LRRK1: variants seen among roughly 807,000 people sequenced by gnomAD.
LRRK1 encodes leucine-rich repeat serine/threonine-protein kinase 1.
Under a neutral mutation model 209.1 loss-of-function variants are expected in LRRK1, and 113 were observed. The ratio of observed to expected loss-of-function variants is 0.54; its 90% confidence interval spans 0.46 to 0.63. The LOEUF is 0.63. LRRK1 is among the 30% of genes least tolerant of loss of function. The pLI is 0.00. For synonymous variants in LRRK1, 1,144 were observed against 1,099.7 expected (o/e 1.04, Z -0.80); for missense variants, 2,284 against 2,632.2 (o/e 0.87, Z 2.89).
At chr15:100,949,472 C>G (rs1159721967) in intron 2 of LRRK1, among the ~76,000 whole-genome samples, 1 of 152,160 alleles carries the variant, frequency 6.6e-6, no homozygotes, top group Non-Finnish European at 1.5e-5. Flanking sequence ...TTAACATCAA[C>G]TTCACAAACT....
chr15:101,042,907 C>T lies in LRRK1; in HGVS notation c.2964-3074C>T, dbSNP rs375232268. ...TATCTTCTGAAGTAGCTGAACTGAA[C>T]GCCTCCCCTCGGGGTGGGACCCCTA... On this transcript the variant is annotated intron_variant, in intron 20 of 33. Transcript: ENST00000388948. Among the ~76,000 whole-genome samples the T allele has an allele frequency of 4.5e-4, 69 of 152,340 alleles. 4 individuals carry two copies. The East Asian group carries it at 7.3e-3, about 16-fold the overall frequency.
intron 2 of LRRK1, among the ~76,000 whole-genome samples, chr15:100,963,478 T>G (rs1300716113): frequency 6.6e-6 from 1 of 152,218 alleles, no homozygotes; most frequent in African/African-American, 2.4e-5. Context: ...AGCGCTGCTG[T>G]AGACGTTAAG....
chr15:101,037,563 A>G (rs60547730), intron 20 of LRRK1, among the ~76,000 whole-genome samples: 3,535 of 152,246 alleles, frequency 0.023, 130 homozygotes, highest in African/African-American at 0.079. Flanking sequence ...CAGGCTGGGG[A>G]CATCAGTGGC....
intron 2 of LRRK1, among the ~76,000 whole-genome samples, chr15:100,935,999 G>C (rs1353151856): frequency 1.3e-5 from 2 of 152,186 alleles, no homozygotes; most frequent in African/African-American, 4.8e-5. Flanking sequence ...ACCTGGTACA[G>C]CATCACTTCG....
intron 3 of LRRK1, among the ~76,000 whole-genome samples, chr15:100,975,181 C>T (rs1375717881): frequency 1.7e-4 from 26 of 152,332 alleles, no homozygotes; most frequent in East Asian, 7.7e-4. Context: ...GTGGGCTCCT[C>T]GGGTGCACCC....
At chr15:100,972,363 A>AGAGAGAGTGTGTGTGTGT (rs1176201849) in intron 2 of LRRK1, among the ~76,000 whole-genome samples, 3 of 98,474 alleles carry the variant, frequency 3.0e-5, no homozygotes, top group South Asian at 3.4e-4. Flanking sequence ...AGAGAGAGAG[A>AGAGAGAGTGTGTGTGTGT]GTGTGTGTGT....
intron 2 of LRRK1, among the ~76,000 whole-genome samples, chr15:100,968,037 G>A (rs2030585682): frequency 6.6e-6 from 1 of 152,132 alleles, no homozygotes; most frequent in African/African-American, 2.4e-5. Context: ...CCCATCCACA[G>A]GAAAACTCAC....
chr15:101,064,016 G>A (rs2141160177), intron 31 of LRRK1, among the ~76,000 whole-genome samples: 1 of 152,362 alleles, frequency 6.6e-6, no homozygotes, highest in Non-Finnish European at 1.5e-5. Context: ...GCTCTGTGCA[G>A]GGCCTCCTGG....
At chr15:101,013,824 G>C (rs558064252) in intron 10 of LRRK1, among the ~76,000 whole-genome samples, 2 of 151,988 alleles carry the variant, frequency 1.3e-5, no homozygotes, top group Non-Finnish European at 2.9e-5. Flanking sequence ...GAGGGCATGC[G>C]GCTAGGACAG....
intron 10 of LRRK1, among the ~76,000 whole-genome samples, chr15:101,013,832 C>T (rs890112840): frequency 1.3e-5 from 2 of 152,022 alleles, no homozygotes; most frequent in African/African-American, 4.8e-5. Context: ...GCGGCTAGGA[C>T]AGTTACCCTT....
At chr15:100,956,455 C>CTTTTTCTTTTTTTTTCTTTTTTTTTT in intron 2 of LRRK1, among the ~76,000 whole-genome samples, 1 of 60,534 alleles carries the variant, frequency 1.7e-5, no homozygotes, top group Admixed American at 2.0e-4. Context: ...TTTTTTTTTT[C>CTTTTTCTTTTTTTTTCTTTTTTTTTT]TTTTTTTTTT....
chr15:101,049,356 C>G (rs1374417693), intron 22 of LRRK1: 1 of 338,464 alleles, frequency 3.0e-6, no homozygotes, highest in African/African-American at 2.1e-5. Context: ...TACTGAGGTT[C>G]AGGGAGGTCT....
At chr15:100,981,007 G>C (rs939809879) in intron 3 of LRRK1, among the ~76,000 whole-genome samples, 2 of 152,250 alleles carry the variant, frequency 1.3e-5, no homozygotes, top group African/African-American at 2.4e-5. Context: ...GCATTTGGTT[G>C]TATATGAGAT....
intron 2 of LRRK1, among the ~76,000 whole-genome samples, chr15:100,941,422 G>GTC (rs1567191039): frequency 1.5e-4 from 15 of 102,362 alleles, no homozygotes; most frequent in South Asian, 3.2e-4. Flanking sequence ...CTGTGTGTGT[G>GTC]TGTGTCTGTG....
Position 100,991,581 on chromosome 15 carries a change from C to T in LRRK1, c.762+2183C>T, listed in dbSNP as rs1409709275. Among the ~76,000 whole-genome samples, 15 of 152,194 alleles carry T rather than the reference C, an allele frequency of 9.9e-5. No homozygotes were observed. In the East Asian group the frequency reaches 1.9e-3, roughly 20 times the overall value. The stretch of plus-strand genomic sequence containing the variant: ...ATTTCTGTTTTATCCAGTTCCTTTC[C>T]CATCTTCTCTTATTCACTCTAATGT... On this transcript the variant is annotated intron_variant, in intron 6 of 33. Transcript: ENST00000388948.
chr15:100,943,060 T>A (rs73482893), intron 2 of LRRK1, among the ~76,000 whole-genome samples: 6,063 of 152,292 alleles, frequency 0.04, 386 homozygotes, highest in African/African-American at 0.14. Context: ...ACAAACTGTC[T>A]TGGTATGTTC....
intron 2 of LRRK1, among the ~76,000 whole-genome samples, chr15:100,962,459 G>C (rs1285917267): frequency 6.6e-6 from 1 of 152,060 alleles, no homozygotes; most frequent in Non-Finnish European, 1.5e-5. Flanking sequence ...GAACCTGGGA[G>C]GCAGAGGTTG....
chr15:100,979,432 T>C (rs967262150), intron 3 of LRRK1, among the ~76,000 whole-genome samples: 3 of 152,158 alleles, frequency 2.0e-5, no homozygotes, highest in African/African-American at 7.2e-5. Context: ...TTGCTGGCAA[T>C]TCTAGCCAAT....
At position 100,924,473 on chromosome 15, in the gene LRRK1, T is replaced by A. The variant is rs1236312865; in HGVS notation, c.-122-38T>A. 50 of 614,274 alleles carry A rather than the reference T, an allele frequency of 8.1e-5. No individual in the cohort carries two copies. In the Admixed American group the frequency reaches 1.2e-3, roughly 15 times the overall value. 38.1% of individuals were successfully genotyped at this position (614,274 alleles called of 1,614,324 possible). On this transcript the variant is annotated intron_variant, in intron 1 of 33. Transcript: ENST00000388948. Reference sequence around the variant, plus strand: ...ATTTGCAGGGGAGGAGGACAGGAATTATAAAGGCTTTCTGTTTTGATTGTT... The same window carrying A: ...ATTTGCAGGGGAGGAGGACAGGAATAATAAAGGCTTTCTGTTTTGATTGTT...
Sources: allele counts gnomAD v4.1 joint callset (sites outside exome capture counted in the v4.1 genomes callset), GRCh38; gene constraint gnomAD v4.1.1; transcripts MANE v1.5; gene names NCBI Gene and HGNC (gene_info 2026-07-23, HGNC 2026-07-21).